NGEF: variants seen among roughly 807,000 people sequenced by gnomAD.
NGEF encodes neuronal guanine nucleotide exchange factor.
NGEF carries 31 observed loss-of-function variants against 80.9 expected under a neutral mutation model. The observed-to-expected ratio is 0.38, with a 90% CI of 0.29 to 0.52. The LOEUF (loss-of-function observed/expected upper bound fraction) is 0.52. Ranked by LOEUF, NGEF falls within the 20% of genes least tolerant of loss-of-function variation. The pLI is 0.84. For synonymous variants in NGEF, 371 were observed against 370.2 expected, an observed-to-expected ratio of 1.00 and a Z score of -0.03; for missense variants, 709 against 926.2, an observed-to-expected ratio of 0.77 and a Z score of 3.04.
rs1692354443 is a variant in NGEF, at chr2:232,901,450, C to T, written c.829-6534G>A. ...TTTGGGTTGTTTTTTTGGCTTCTCCCGACCCCTGTGTTAACAAATCACTGC... is the reference window on the plus strand; with the variant it reads ...TTTGGGTTGTTTTTTTGGCTTCTCCTGACCCCTGTGTTAACAAATCACTGC... On this transcript the variant is annotated intron_variant, in intron 5 of 14. Transcript: ENST00000264051. 4 of 985,268 alleles carry T rather than the reference C, an allele frequency of 4.1e-6. No individual in the cohort carries two copies. In the South Asian group the frequency reaches 1.4e-4, roughly 35 times the overall value. 61.0% of individuals were successfully genotyped at this position (985,268 alleles called of 1,614,324 possible).
chr2:232,975,833 G>T (rs1694280398), intron 1 of NGEF, among the ~76,000 whole-genome samples: 1 of 152,092 alleles, frequency 6.6e-6, no homozygotes, highest in Admixed American at 6.6e-5. Flanking sequence ...ATTCTATGGA[G>T]GTTTTCAGGG....
intron 1 of NGEF, chr2:233,012,832 G>A (rs1012587903): frequency 8.5e-6 from 4 of 470,880 alleles, no homozygotes; most frequent in African/African-American, 8.0e-5. Context: ...CCTGGAAGGA[G>A]TCCTTATCCT....
chr2:232,912,403 A>T (rs1277588323), intron 5 of NGEF, among the ~76,000 whole-genome samples: 1 of 152,134 alleles, frequency 6.6e-6, no homozygotes, highest in Non-Finnish European at 1.5e-5. Flanking sequence ...ACATTGCTGG[A>T]TTTGAATTGC....
chr2:232,962,147 T>C (rs2344967), intron 3 of NGEF, among the ~76,000 whole-genome samples: 120,732 of 152,244 alleles, frequency 0.79, 48,473 homozygotes, highest in African/African-American at 0.92. Flanking sequence ...ATAAGACAAG[T>C]GTGTCTACTC....
chr2:233,011,161 G>A (rs1158073857), intron 1 of NGEF, among the ~76,000 whole-genome samples: 2 of 152,132 alleles, frequency 1.3e-5, no homozygotes, highest in African/African-American at 2.4e-5. Flanking sequence ...ACACAGCATC[G>A]CTTCATCTCC....
chr2:232,912,601 A>G (rs1183972343), intron 5 of NGEF, among the ~76,000 whole-genome samples: 2 of 152,186 alleles, frequency 1.3e-5, no homozygotes, highest in African/African-American at 4.8e-5. Flanking sequence ...TTCTACTTTA[A>G]ATGGTTGGTA....
chr2:232,920,515 T>G lies in NGEF; in HGVS notation c.597A>C (p.Ala199=). The G allele has an allele frequency of 1.3e-6, 2 of 1,582,702 alleles. No homozygotes were observed. The highest frequency in any genetic ancestry group is 1.7e-6 in the Non-Finnish European group (2 of 1,161,134). ...ACCCATTGGTATTGTCTTCTATTTC[T>G]GCATCCTGTTGCCTCCTGGTTTCGA... ...QEIETRRQQD[A]EIEDNTNGSP... is the part of the protein sequence containing the mutation. The change falls in exon 5 of 15, where the codon GCA becomes GCC. Residue 199 remains alanine, a synonymous_variant. Transcript: ENST00000264051.
chr2:233,005,738 A>G (rs1559245708), intron 1 of NGEF, among the ~76,000 whole-genome samples: 1 of 152,230 alleles, frequency 6.6e-6, no homozygotes, highest in Non-Finnish European at 1.5e-5. Context: ...TCCTGCCAGC[A>G]GCATGGATTT....
intron 5 of NGEF, among the ~76,000 whole-genome samples, chr2:232,897,081 T>G (rs1574998502): frequency 1.8e-4 from 7 of 39,576 alleles, no homozygotes; most frequent in South Asian, 9.9e-4. Context: ...GGGTGAGGGG[T>G]GAGGGTTGGG....
At chr2:232,915,169 T>C (rs1225817393) in intron 5 of NGEF, among the ~76,000 whole-genome samples, 1 of 152,168 alleles carries the variant, frequency 6.6e-6, no homozygotes, top group Non-Finnish European at 1.5e-5. Context: ...CTGTAGGTGA[T>C]TTTTTGGGGT....
chr2:232,921,296 C>T lies in NGEF; in HGVS notation c.527-711G>A, dbSNP rs1053764422. On this transcript the variant is annotated intron_variant, in intron 4 of 14. Transcript: ENST00000264051. Reference sequence around the variant, plus strand: ...AGCCATGTTGGGGTTGGGGGGTTGCCGTGGCTGGGTGGGATGGTGAGGGGT... The same window carrying T: ...AGCCATGTTGGGGTTGGGGGGTTGCTGTGGCTGGGTGGGATGGTGAGGGGT... 2.6e-5 allele frequency among the ~76,000 whole-genome samples: 4 copies of T among 152,100 alleles called. No homozygotes were observed. The South Asian group carries it at 8.3e-4, about 32-fold the overall frequency.
rs567243697 is a variant in NGEF, at chr2:233,010,587, C to T, written c.-75+2481G>A. Among the ~76,000 whole-genome samples the T allele has an allele frequency of 1.5e-3, 233 of 151,130 alleles. 1 individual carries two copies. The highest frequency in any genetic ancestry group is 5.6e-3 in the African/African-American group (229 of 41,244). On this transcript the variant is annotated intron_variant, in intron 1 of 14. Transcript: ENST00000264051. Reference sequence around the variant, plus strand: ...ATTTGAACGTGTGATTTTTTTTTTTCCTTGTCCACAGGCAAAGTGAGTTGA... The same window carrying T: ...ATTTGAACGTGTGATTTTTTTTTTTTCTTGTCCACAGGCAAAGTGAGTTGA...
intron 14 of NGEF, among the ~76,000 whole-genome samples, chr2:232,880,272 C>T (rs1691451338): frequency 6.6e-6 from 1 of 152,240 alleles, no homozygotes; most frequent in Non-Finnish European, 1.5e-5. Context: ...TTCTCCACCT[C>T]TCCCCTCCCC....
At chr2:232,934,020 G>A (rs1693274973) in intron 3 of NGEF, among the ~76,000 whole-genome samples, 1 of 152,138 alleles carries the variant, frequency 6.6e-6, no homozygotes, top group East Asian at 1.9e-4. Flanking sequence ...GAGGCAGGCG[G>A]ATCACAAGGT....
chr2:232,924,239 A>G (rs1419255671), intron 4 of NGEF, among the ~76,000 whole-genome samples: 1 of 152,002 alleles, frequency 6.6e-6, no homozygotes, highest in Non-Finnish European at 1.5e-5. Context: ...TCCATCCCCA[A>G]AATAAATAAA....
intron 3 of NGEF, among the ~76,000 whole-genome samples, chr2:232,944,726 A>AATATATATATAT (rs57851903): frequency 0.02 from 2,129 of 108,084 alleles, 86 homozygotes; most frequent in Middle Eastern, 0.025. Context: ...GACTTTTCCG[A>AATATATATATAT]ATATATATAT....
At chr2:232,939,118 C>T (rs937191947) in intron 3 of NGEF, among the ~76,000 whole-genome samples, 2 of 138,630 alleles carry the variant, frequency 1.4e-5, no homozygotes, top group African/African-American at 5.4e-5. Flanking sequence ...GAAGAGGTTG[C>T]AGTGAGCCGA....
At chr2:232,979,191 T>G (rs967762630) in intron 1 of NGEF, among the ~76,000 whole-genome samples, 1 of 151,944 alleles carries the variant, frequency 6.6e-6, no homozygotes, top group African/African-American at 2.4e-5. Context: ...GGGTGGGTAT[T>G]CTTGACTTCT....
intron 1 of NGEF, among the ~76,000 whole-genome samples, chr2:232,991,494 AATATCATCAAAAAGAATAAAGTACT>A (rs1392052213): frequency 1.3e-5 from 2 of 152,140 alleles, no homozygotes; most frequent in Admixed American, 1.3e-4. Flanking sequence ...ACCAATACAC[AATATCATCAAAAAGAATAAAGTACT>A]TAGGAATACA....
Sources: allele counts gnomAD v4.1 joint callset (sites outside exome capture counted in the v4.1 genomes callset), GRCh38; gene constraint gnomAD v4.1.1; transcripts MANE v1.5; gene names NCBI Gene and HGNC (gene_info 2026-07-23, HGNC 2026-07-21).